Variants in RBM47 observed in about 807,000 individuals in gnomAD.
The protein encoded by RBM47 is RNA-binding protein 47.
RBM47 carries 21 observed loss-of-function variants against 47.1 expected under a neutral mutation model. The ratio of observed to expected loss-of-function variants is 0.45; its 90% CI spans 0.32 to 0.64. RBM47 has a LOEUF of 0.64. RBM47 is among the 30% of genes least tolerant of loss of function. RBM47 has a pLI of 0.05. For synonymous variants in RBM47, 375 were observed against 361.7 expected (o/e 1.04, Z -0.42); for missense variants, 708 against 870.9 (o/e 0.81, Z 2.35).
At chr4:40,475,153 C>T (rs1719422946) in intron 2 of RBM47, among the ~76,000 whole-genome samples, 3 of 152,198 alleles carry the variant, frequency 2.0e-5, no homozygotes, top group African/African-American at 7.2e-5. Context: ...GGTTTGAAAA[C>T]AATGATAAAA....
chr4:40,427,572 A>T (rs1277414826), intron 6 of RBM47: 1 of 152,252 alleles, frequency 6.6e-6, no homozygotes, highest in Non-Finnish European at 1.5e-5. Context: ...TAAAACATTC[A>T]TTTAACAAAA....
Position 40,437,929 on chromosome 4 carries a change from T to C in RBM47, c.965A>G (p.Glu322Gly), listed in dbSNP as rs1010673719. The C allele has an allele frequency of 6.2e-7, 1 of 1,613,696 alleles. No homozygotes were observed. Among genetic ancestry groups the C allele is most frequent in the African/African-American group, 1.3e-5 (1 of 74,944 alleles). ...EVTLAKPVDKEQYSRYQKAAR... is the reference protein window; with the variant it reads ...EVTLAKPVDKGQYSRYQKAAR... The stretch of plus-strand genomic sequence containing the variant: ...TGCCTTCTGGTAGCGCGAGTACTGC[T>C]CCTTGTCCACGGGCTTGGCCAGCGT... Residue 322 changes from glutamate (E) to glycine (G), a missense_variant, in exon 4 of 7, where the codon GAG becomes GGG. Physicochemically the swap from Glu to Gly is moderately conservative, Grantham distance 98. Coordinates refer to ENST00000295971, the MANE Select transcript of RBM47 (RefSeq NM_001098634.2).
chr4:40,450,904 C>T (rs1034202955), intron 3 of RBM47, among the ~76,000 whole-genome samples: 3 of 152,032 alleles, frequency 2.0e-5, no homozygotes, highest in African/African-American at 4.8e-5. Flanking sequence ...TGCTTTCTGT[C>T]GAGAATTACT....
intron 1 of RBM47, among the ~76,000 whole-genome samples, chr4:40,583,226 C>G (rs1733129047): frequency 6.6e-6 from 1 of 151,668 alleles, no homozygotes; most frequent in Non-Finnish European, 1.5e-5. Flanking sequence ...TCCGAGAGTT[C>G]AAAACCAGCC....
At chr4:40,626,367 T>C (rs1377335812) in intron 1 of RBM47, among the ~76,000 whole-genome samples, 1 of 152,226 alleles carries the variant, frequency 6.6e-6, no homozygotes, top group Non-Finnish European at 1.5e-5. Context: ...ATATCTTGAA[T>C]TCATTCAAAC....
chr4:40,534,307 C>T (rs910479911), intron 2 of RBM47, among the ~76,000 whole-genome samples: 1 of 151,904 alleles, frequency 6.6e-6, no homozygotes, highest in Non-Finnish European at 1.5e-5. Flanking sequence ...AAACTTGAAA[C>T]ACAAGAAGAT....
chr4:40,604,061 A>G (rs892985402), intron 1 of RBM47, among the ~76,000 whole-genome samples: 38 of 152,368 alleles, frequency 2.5e-4, no homozygotes, highest in African/African-American at 9.1e-4. Context: ...GCTGCGATCC[A>G]TAACACCTAC....
chr4:40,433,398 G>A (rs1379098077), intron 5 of RBM47, among the ~76,000 whole-genome samples: 1 of 152,180 alleles, frequency 6.6e-6, no homozygotes, highest in Non-Finnish European at 1.5e-5. Flanking sequence ...CCCCCTGCCT[G>A]TTGTGGAAGA....
At chr4:40,467,097 A>T (rs1009385779) in intron 2 of RBM47, among the ~76,000 whole-genome samples, 2 of 152,210 alleles carry the variant, frequency 1.3e-5, no homozygotes, top group East Asian at 3.8e-4. Context: ...TTACAGAAAT[A>T]ATCATATCTA....
At chr4:40,537,884 G>A (rs983789218) in intron 2 of RBM47, among the ~76,000 whole-genome samples, 3 of 150,192 alleles carry the variant, frequency 2.0e-5, no homozygotes, top group African/African-American at 7.4e-5. Flanking sequence ...CCAGACTAGA[G>A]TGCAGTGGCA....
In RBM47 at chr4:40,438,212, C is replaced by A. The variant is rs756676800; in HGVS notation, c.682G>T (p.Val228Leu). 1 of 1,606,206 alleles carries A rather than the reference C, an allele frequency of 6.2e-7. No individual in the cohort carries two copies. Among genetic ancestry groups the A allele is most frequent in the South Asian group, 1.1e-5 (1 of 91,088 alleles). Residue 228 changes from valine to leucine, a missense_variant, in exon 4 of 7, where the codon GTG becomes TTG. Coordinates refer to ENST00000295971, the MANE Select transcript of RBM47 (RefSeq NM_001098634.2). ...TCGATCTCAGGTTCGGCCCAGTCCA[C>A]GGCGATCTGGTGGCCCCACAGCTGG... ...RIQLWGHQIAVDWAEPEIDVD... is the reference protein window; with the variant it reads ...RIQLWGHQIALDWAEPEIDVD...
intron 1 of RBM47, among the ~76,000 whole-genome samples, chr4:40,579,763 T>C (rs200350695): frequency 1.6e-5 from 2 of 122,128 alleles, no homozygotes; most frequent in Non-Finnish European, 3.6e-5. Flanking sequence ...TTTTTTTTTT[T>C]TTGAGACTAG....
intron 1 of RBM47, among the ~76,000 whole-genome samples, chr4:40,574,845 G>A (rs1369799505): frequency 6.6e-6 from 1 of 152,094 alleles, no homozygotes; most frequent in Non-Finnish European, 1.5e-5. Context: ...GTGAGACTCT[G>A]TATCAAAGAA....
At chr4:40,604,382 T>C (rs947223058) in intron 1 of RBM47, among the ~76,000 whole-genome samples, 1 of 152,248 alleles carries the variant, frequency 6.6e-6, no homozygotes, top group South Asian at 2.1e-4. Context: ...CCCAACACTT[T>C]GGGAGGCTAA....
At chr4:40,564,390 A>T (rs573978322) in intron 1 of RBM47, among the ~76,000 whole-genome samples, 1 of 152,318 alleles carries the variant, frequency 6.6e-6, no homozygotes, top group South Asian at 2.1e-4. Context: ...GCTACCCCCG[A>T]ACCTGCACAC....
At chr4:40,564,351 T>G (rs1052847193) in intron 1 of RBM47, among the ~76,000 whole-genome samples, 6 of 152,276 alleles carry the variant, frequency 3.9e-5, no homozygotes, top group Non-Finnish European at 8.8e-5. Flanking sequence ...GCTGCCAGTC[T>G]GGATCTCCAA....
At chr4:40,623,035 G>A (rs1053157838) in intron 1 of RBM47, among the ~76,000 whole-genome samples, 1 of 152,198 alleles carries the variant, frequency 6.6e-6, no homozygotes, top group Non-Finnish European at 1.5e-5. Context: ...GAAAGGGCAA[G>A]ACCTTTCATA....
intron 6 of RBM47, among the ~76,000 whole-genome samples, chr4:40,430,192 C>G (rs572267861): frequency 6.8e-6 from 1 of 145,988 alleles, no homozygotes; most frequent in Non-Finnish European, 1.5e-5. Context: ...GAGACACCGT[C>G]GCAAAAAACA....
chr4:40,488,399 T>C (rs1255758503), intron 2 of RBM47, among the ~76,000 whole-genome samples: 1 of 152,034 alleles, frequency 6.6e-6, no homozygotes, highest in Non-Finnish European at 1.5e-5. Flanking sequence ...ATTAGAACTT[T>C]TCAGTGCGCA....
Sources: allele counts gnomAD v4.1 joint callset (sites outside exome capture counted in the v4.1 genomes callset), GRCh38; gene constraint gnomAD v4.1.1; transcripts MANE v1.5; gene names NCBI Gene and HGNC (gene_info 2026-07-23, HGNC 2026-07-21).